PLCB1: variants seen among roughly 807,000 people sequenced by gnomAD.
The protein encoded by PLCB1 is phospholipase C beta 1.
A neutral mutation model predicts 161.8 loss-of-function variants in PLCB1; 46 were observed. The observed-to-expected ratio is 0.28, with a 90% CI of 0.22 to 0.36. The LOEUF (loss-of-function observed/expected upper bound fraction) is 0.36, where lower values mean the gene tolerates loss of function less well. Ranked by LOEUF, PLCB1 falls within the 10% of genes least tolerant of loss-of-function variation. PLCB1 has a pLI of 1.00. For synonymous variants in PLCB1, 517 were observed against 503.7 expected (o/e 1.03, Z -0.35); for missense variants, 1,016 against 1,472.5 (o/e 0.69, Z 5.07).
chr20:8,529,448 T>C (rs535599624), intron 3 of PLCB1, among the ~76,000 whole-genome samples: 5 of 152,124 alleles, frequency 3.3e-5, no homozygotes, highest in African/African-American at 7.2e-5. Context: ...ATATAGTCCG[T>C]CCTCTCTTTG....
intron 27 of PLCB1, among the ~76,000 whole-genome samples, chr20:8,782,054 T>A (rs974253779): frequency 7.2e-5 from 11 of 152,156 alleles, no homozygotes; most frequent in Admixed American, 5.9e-4. Context: ...GGAAAAAAAA[T>A]TTCAAAGATT....
At chr20:8,159,209 C>G (rs1433389304) in intron 2 of PLCB1, among the ~76,000 whole-genome samples, 1 of 152,180 alleles carries the variant, frequency 6.6e-6, no homozygotes, top group Non-Finnish European at 1.5e-5. Flanking sequence ...GTTCCCAAAC[C>G]TCAATTCTTG....
intron 2 of PLCB1, among the ~76,000 whole-genome samples, chr20:8,207,039 A>C (rs1052344605): frequency 3.6e-5 from 5 of 137,458 alleles, no homozygotes; most frequent in Admixed American, 1.4e-4. Context: ...TAGTTTATAG[A>C]CAAAAGACTG....
At chr20:8,534,319 G>A (rs528440681) in intron 3 of PLCB1, among the ~76,000 whole-genome samples, 80 of 152,270 alleles carry the variant, frequency 5.3e-4, no homozygotes, top group African/African-American at 1.8e-3. Context: ...TGGACTTACA[G>A]GCAGGAGCCA....
intron 4 of PLCB1, among the ~76,000 whole-genome samples, chr20:8,644,109 C>G (rs1319655115): frequency 1.3e-5 from 2 of 152,188 alleles, no homozygotes; most frequent in African/African-American, 2.4e-5. Context: ...CAATGGTGCC[C>G]AGGCTGGAGT....
intron 31 of PLCB1, among the ~76,000 whole-genome samples, chr20:8,819,588 CT>C (rs34215145): frequency 0.29 from 43,417 of 152,050 alleles, 7,802 homozygotes; most frequent in Admixed American, 0.39. Context: ...AACTCCTACA[CT>C]TAAAACTTAA....
Position 8,457,718 on chromosome 20 carries a change from A to G in PLCB1, c.246+86268A>G, listed in dbSNP as rs12625218. ...TTATACCCCTAATGTGTGCGCGCAC[A>G]CACACACACACACACACACACACAC... On this transcript the variant is annotated intron_variant, in intron 3 of 31. Coordinates refer to ENST00000338037, the MANE Select transcript of PLCB1 (RefSeq NM_015192.4). 8.0e-3 allele frequency among the ~76,000 whole-genome samples: 464 copies of G among 58,340 alleles called. 2 individuals carry two copies. Among genetic ancestry groups the G allele is most frequent in the African/African-American group, 0.029 (369 of 12,882 alleles). 38.3% of individuals were successfully genotyped at this position (58,340 alleles called of 152,430 possible).
intron 31 of PLCB1, among the ~76,000 whole-genome samples, chr20:8,849,331 T>G (rs1986806308): frequency 6.6e-6 from 1 of 152,178 alleles, no homozygotes; most frequent in Non-Finnish European, 1.5e-5. Flanking sequence ...GAAACTGAGA[T>G]GCAGACTGGC....
chr20:8,520,522 A>G (rs772345777), intron 3 of PLCB1, among the ~76,000 whole-genome samples: 2 of 152,190 alleles, frequency 1.3e-5, no homozygotes, highest in African/African-American at 2.4e-5. Context: ...GTACTTTATT[A>G]AAGTACAATT....
At chr20:8,390,438 G>A (rs753908702) in intron 3 of PLCB1, among the ~76,000 whole-genome samples, 1 of 152,012 alleles carries the variant, frequency 6.6e-6, no homozygotes, top group Non-Finnish European at 1.5e-5. Flanking sequence ...AATTACTGGG[G>A]GTTAATACTT....
chr20:8,210,854 T>C (rs1978784362), intron 2 of PLCB1, among the ~76,000 whole-genome samples: 1 of 152,154 alleles, frequency 6.6e-6, no homozygotes, highest in Non-Finnish European at 1.5e-5. Context: ...ATTTCATTTC[T>C]GAAATTTTGA....
intron 3 of PLCB1, among the ~76,000 whole-genome samples, chr20:8,556,210 G>C (rs903837844): frequency 2.0e-5 from 3 of 152,044 alleles, no homozygotes; most frequent in African/African-American, 7.2e-5. Context: ...GGAAGGAGCA[G>C]AGCAGACCTT....
chr20:8,762,044 C>G (rs1982068032), intron 25 of PLCB1, among the ~76,000 whole-genome samples: 1 of 151,530 alleles, frequency 6.6e-6, no homozygotes, highest in Non-Finnish European at 1.5e-5. Flanking sequence ...AACCCCATCT[C>G]TACTAAATAT....
chr20:8,321,846 T>C (rs1455678295), intron 2 of PLCB1, among the ~76,000 whole-genome samples: 3 of 152,152 alleles, frequency 2.0e-5, no homozygotes, highest in Admixed American at 2.0e-4. Context: ...TCGATAGACA[T>C]TCCCTTGGCA....
chr20:8,560,364 AT>A (rs577655413), intron 3 of PLCB1, among the ~76,000 whole-genome samples: 1 of 151,894 alleles, frequency 6.6e-6, no homozygotes, highest in East Asian at 1.9e-4. Flanking sequence ...GGTCATCTGG[AT>A]TTTTTTTAAG....
intron 3 of PLCB1, among the ~76,000 whole-genome samples, chr20:8,573,353 A>G (rs897626490): frequency 1.3e-5 from 2 of 152,218 alleles, no homozygotes; most frequent in Non-Finnish European, 2.9e-5. Flanking sequence ...CAACTTTTTC[A>G]AGAACTTTAA....
intron 2 of PLCB1, among the ~76,000 whole-genome samples, chr20:8,239,267 T>C (rs1206847827): frequency 6.6e-6 from 1 of 151,960 alleles, no homozygotes; most frequent in Non-Finnish European, 1.5e-5. Flanking sequence ...TGGAATGTGA[T>C]GGATAAGAAG....
intron 1 of PLCB1, among the ~76,000 whole-genome samples, chr20:8,145,613 A>T (rs1204471104): frequency 6.6e-6 from 1 of 152,210 alleles, no homozygotes; most frequent in Non-Finnish European, 1.5e-5. Context: ...TAAAACCATA[A>T]ACTGCCTTGC....
In PLCB1 at chr20:8,652,532, CA is replaced by C. The variant is rs556917219; in HGVS notation, c.594+3089del. On this transcript the variant is annotated intron_variant, in intron 7 of 31. Coordinates refer to ENST00000338037, the MANE Select transcript of PLCB1 (RefSeq NM_015192.4). ...ACTCTAGAAAATATCCACTAATTAGCAAAAAATTTTGGCCATATTCACAAGA... is the reference window on the plus strand; with the variant it reads ...ACTCTAGAAAATATCCACTAATTAGCAAAAATTTTGGCCATATTCACAAGA... The C allele has an allele frequency of 1.8e-4, 27 of 152,044 alleles. 1 individual carries two copies. The East Asian group carries it at 5.0e-3, about 28-fold the overall frequency. 9.4% of individuals were successfully genotyped at this position (152,044 alleles called of 1,614,324 possible).
Sources: allele counts gnomAD v4.1 joint callset (sites outside exome capture counted in the v4.1 genomes callset), GRCh38; gene constraint gnomAD v4.1.1; transcripts MANE v1.5; gene names NCBI Gene and HGNC (gene_info 2026-07-23, HGNC 2026-07-21).